The following SLC37A3 variants were observed in gnomAD, a reference collection of about 807,000 sequenced individuals.
SLC37A3 encodes sugar phosphate exchanger 3.
A neutral mutation model predicts 67.1 loss-of-function variants in SLC37A3; 51 were observed. That is an observed-to-expected ratio of 0.76 (90% CI 0.61 to 0.96). The LOEUF is 0.96. SLC37A3 is among the 40% of genes least tolerant of loss of function. The pLI is 0.00. For synonymous variants in SLC37A3, 214 were observed against 231.4 expected (o/e 0.92, Z 0.68); for missense variants, 508 against 603.0 (o/e 0.84, Z 1.65).
chr7:140,379,335 CGTG>C (rs1276728750), intron 3 of SLC37A3: 1 of 151,844 alleles, frequency 6.6e-6, no homozygotes, highest in Non-Finnish European at 1.5e-5. Context: ...ATTAGCCAGG[CGTG>C]GTGGCGGGCA....
rs1585310440 is a variant in SLC37A3, at chr7:140,363,159, C to T, written c.375+1249G>A. ...CCGCCCCTACTGGGAAGTGAGGAGC[C>T]CCTCTGCCCGGCCACGACCCCGTCT... On this transcript the variant is annotated intron_variant, in intron 5 of 14. Transcript: ENST00000326232. Among the ~76,000 whole-genome samples, 3 of 86,390 alleles carry T rather than the reference C, an allele frequency of 3.5e-5. 1 individual carries two copies. The highest frequency in any genetic ancestry group is 2.1e-4 in the Admixed American group (2 of 9,694). 56.7% of individuals were successfully genotyped at this position (86,390 alleles called of 152,430 possible).
At chr7:140,377,620 A>G (rs1798084860) in intron 3 of SLC37A3, among the ~76,000 whole-genome samples, 1 of 152,182 alleles carries the variant, frequency 6.6e-6, no homozygotes, top group Non-Finnish European at 1.5e-5. Context: ...TTTTTGTAAA[A>G]CACCCAGAGC....
intron 12 of SLC37A3, chr7:140,343,818 C>T (rs975389094): frequency 2.4e-6 from 1 of 419,350 alleles, no homozygotes; most frequent in African/African-American, 2.1e-5. Flanking sequence ...ACACATAGCC[C>T]TTCTAATCCT....
At chr7:140,351,522 C>G (rs1796800806) in intron 8 of SLC37A3, 71 bp from the exon 9 acceptor site, 14 of 1,428,758 alleles carry the variant, frequency 9.8e-6, no homozygotes, top group Non-Finnish European at 1.2e-5. Flanking sequence ...TACATCCCTA[C>G]TTATGAGGTG....
intron 1 of SLC37A3, among the ~76,000 whole-genome samples, chr7:140,383,779 C>T (rs1488258741): frequency 2.0e-5 from 3 of 152,048 alleles, no homozygotes; most frequent in Non-Finnish European, 4.4e-5. Flanking sequence ...CAGGCTCAAG[C>T]GATTCTCCAG....
intron 1 of SLC37A3, among the ~76,000 whole-genome samples, chr7:140,394,845 G>T (rs1254186049): frequency 1.3e-5 from 2 of 150,924 alleles, no homozygotes; most frequent in Non-Finnish European, 3.0e-5. Context: ...CTGACCTCGT[G>T]ATCCGCCTGC....
intron 9 of SLC37A3, among the ~76,000 whole-genome samples, chr7:140,349,938 T>G (rs1796725915): frequency 6.6e-6 from 1 of 152,216 alleles, no homozygotes; most frequent in Non-Finnish European, 1.5e-5. Flanking sequence ...CCTGCATTTC[T>G]CTTATATCAT....
At chr7:140,362,374 T>G (rs1797354894) in intron 5 of SLC37A3, among the ~76,000 whole-genome samples, 1 of 138,710 alleles carries the variant, frequency 7.2e-6, no homozygotes, top group African/African-American at 2.7e-5. Context: ...GTCTGGGAAG[T>G]GAGGAGCGTC....
rs752271576 is a variant in SLC37A3, at chr7:140,352,174, T to G, written c.619-28A>C. ...GGAGGAGAGGGGTGAAAGGTGGTCC[T>G]TACATATCTGGGGACAGTCATCACA... is the stretch of plus-strand genomic sequence containing the variant. On this transcript the variant is annotated intron_variant, in intron 7 of 14. Transcript: ENST00000326232. 2.5e-6 allele frequency: 4 copies of G among 1,592,738 alleles called. No homozygotes were observed. The South Asian group carries it at 4.5e-5, about 18-fold the overall frequency.
At chr7:140,356,414 G>A (rs1797031612) in intron 6 of SLC37A3, among the ~76,000 whole-genome samples, 1 of 152,124 alleles carries the variant, frequency 6.6e-6, no homozygotes, top group Non-Finnish European at 1.5e-5. Flanking sequence ...CCAGGCGAGG[G>A]CTCACGCCTG....
intron 1 of SLC37A3, among the ~76,000 whole-genome samples, chr7:140,387,387 G>A (rs1486989669): frequency 6.6e-6 from 1 of 151,664 alleles, no homozygotes; most frequent in Non-Finnish European, 1.5e-5. Flanking sequence ...GCCAAGGCAG[G>A]TGGATCACTT....
chr7:140,376,532 G>A lies in SLC37A3; in HGVS notation c.198+3750C>T, dbSNP rs1044183850. Among the ~76,000 whole-genome samples the A allele has an allele frequency of 3.3e-4, 50 of 152,160 alleles. 1 individual carries two copies. Among genetic ancestry groups the A allele is most frequent in the Admixed American group, 1.3e-4 (2 of 15,274 alleles). ...TAAGCTACTACACTTGCTCGATGTT[G>A]AGGTACTTCCTGTGCACACACTAAA... On this transcript the variant is annotated intron_variant, in intron 3 of 14. Coordinates refer to ENST00000326232, the MANE Select transcript of SLC37A3 (RefSeq NM_207113.3).
chr7:140,390,584 T>C (rs1385182292), intron 1 of SLC37A3, among the ~76,000 whole-genome samples: 2 of 152,070 alleles, frequency 1.3e-5, no homozygotes, highest in African/African-American at 4.8e-5. Flanking sequence ...CTGTTCCCCA[T>C]AGATGTCAGG....
At chr7:140,347,943 C>G (rs1328138555) in intron 10 of SLC37A3, among the ~76,000 whole-genome samples, 2 of 152,300 alleles carry the variant, frequency 1.3e-5, no homozygotes, top group African/African-American at 2.4e-5. Flanking sequence ...AAACCACAGA[C>G]AGTACCAAAC....
At chr7:140,347,431 T>A (rs1489698231) in intron 10 of SLC37A3, among the ~76,000 whole-genome samples, 1 of 152,166 alleles carries the variant, frequency 6.6e-6, no homozygotes, top group Non-Finnish European at 1.5e-5. Flanking sequence ...TGTGTCCTTA[T>A]CAGATAGCAG....
rs1796684574 is a variant in SLC37A3, at chr7:140,348,849, CA to C, written c.883-83del. On this transcript the variant is annotated intron_variant, in intron 9 of 14. Coordinates refer to ENST00000326232, the MANE Select transcript of SLC37A3 (RefSeq NM_207113.3). Reference sequence around the variant, plus strand: ...TTTTTAATGTCATTTAAAAGCAAAACAAAATAAAGGAAGTTAGGATGAACAG... The same window carrying C: ...TTTTTAATGTCATTTAAAAGCAAAACAAATAAAGGAAGTTAGGATGAACAG... The C allele has an allele frequency of 1.1e-5, 17 of 1,534,608 alleles. No individual in the cohort carries two copies. In the South Asian group the frequency reaches 2.0e-4, roughly 18 times the overall value.
chr7:140,368,827 G>A (rs1411904924), intron 4 of SLC37A3, among the ~76,000 whole-genome samples: 1 of 152,012 alleles, frequency 6.6e-6, no homozygotes, highest in Non-Finnish European at 1.5e-5. Flanking sequence ...CCACATTCAA[G>A]AGGGAAAAAA....
At chr7:140,368,625 T>C (rs923271404) in intron 4 of SLC37A3, among the ~76,000 whole-genome samples, 6 of 152,092 alleles carry the variant, frequency 3.9e-5, no homozygotes, top group African/African-American at 1.4e-4. Context: ...TCCAAAAACA[T>C]GTATCTTCAG....
intron 1 of SLC37A3, among the ~76,000 whole-genome samples, chr7:140,386,518 A>G (rs1798457136): frequency 6.6e-6 from 1 of 151,738 alleles, no homozygotes; most frequent in South Asian, 2.1e-4. Context: ...GTGATTTCCA[A>G]TCATCCATGA....
Sources: gnomAD v4.1 joint callset for allele counts (sites outside exome capture counted in the v4.1 genomes callset) on GRCh38, gnomAD v4.1.1 for gene constraint, MANE v1.5 for transcripts, NCBI Gene and HGNC (gene_info 2026-07-23, HGNC 2026-07-21) for gene names.